The following CDKL5 variants were observed in gnomAD, a reference collection of about 807,000 sequenced individuals.
CDKL5 encodes the protein cyclin dependent kinase like 5, also known as cyclin-dependent kinase-like 5.
CDKL5 carries 8 observed loss-of-function variants against 61.7 expected under a neutral mutation model. That is an observed-to-expected ratio of 0.13 (90% CI 0.08 to 0.23). The LOEUF (loss-of-function observed/expected upper bound fraction) is 0.23. CDKL5 is among the 10% of genes least tolerant of loss of function. The pLI is 1.00. For missense variants in CDKL5, 440 were observed against 734.5 expected (o/e 0.60, Z 4.63); for synonymous variants, 275 against 272.3 (o/e 1.01, Z -0.10).
intron 11 of CDKL5, among the ~76,000 whole-genome samples, chrX:18,602,245 G>T (rs1012763650): frequency 8.9e-6 from 1 of 112,121 alleles, no homozygotes; most frequent in Non-Finnish European, 1.9e-5. Context: ...TGGGCAAATG[G>T]AGAATAACCA....
Position 18,603,971 on chromosome X carries a change from G to A in CDKL5, c.1047G>A (p.Leu349=). The A allele has an allele frequency of 1.7e-6, 2 of 1,210,974 alleles. No individual in the cohort carries two copies. The highest frequency in any genetic ancestry group is 2.2e-6 in the Non-Finnish European group (2 of 894,861). The part of the protein sequence containing the change: ...HRSNSKDIQN[L]SVGLPRADEG... ...CTAACAGCAAGGACATCCAGAACCT[G>A]AGTGTAGGCCTGCCCCGGGCTGACG... The change falls in exon 12 of 18, where the codon CTG becomes CTA. Residue 349 remains leucine (L), a synonymous_variant. Transcript: ENST00000623535.
Position 18,628,983 on chromosome X carries a change from C to A in CDKL5, c.*226C>A. On this transcript the variant is annotated 3_prime_UTR_variant, in exon 18 of 18. Coordinates refer to ENST00000623535, the MANE Select transcript of CDKL5 (RefSeq NM_001323289.2). Reference sequence around the variant, plus strand: ...GAGTTCCTTAGGGATCGCCACTCCCCACAGGTCTTGTGTGAGAATAGATAG... The same window carrying A: ...GAGTTCCTTAGGGATCGCCACTCCCAACAGGTCTTGTGTGAGAATAGATAG... 9.9e-7 allele frequency: 1 copy of A among 1,008,289 alleles called. No homozygotes were observed. The highest frequency in any genetic ancestry group is 1.3e-6 in the Non-Finnish European group (1 of 798,272). The allele number at this position is 1,008,289 out of a possible 1,213,427, so 83.1% of individuals were successfully genotyped here.
intron 3 of CDKL5, among the ~76,000 whole-genome samples, chrX:18,537,378 T>C (rs1474017932): frequency 8.9e-6 from 1 of 112,321 alleles, no homozygotes; most frequent in Non-Finnish European, 1.9e-5. Context: ...CACATGTAGG[T>C]ATAAGAAATA....
At chrX:18,488,767 T>A (rs1466200426) in intron 1 of CDKL5, among the ~76,000 whole-genome samples, 1 of 111,844 alleles carries the variant, frequency 8.9e-6, no homozygotes, top group African/African-American at 3.3e-5. Flanking sequence ...AAGGGCACTC[T>A]AACCTGAATG....
At chrX:18,649,580 T>G (rs1002844692) in intron 20 of CDKL5, among the ~76,000 whole-genome samples, 1 of 111,798 alleles carries the variant, frequency 8.9e-6, no homozygotes, top group Non-Finnish European at 1.9e-5. Context: ...CTCACTAGTA[T>G]CTGCAGCTCT....
chrX:18,488,296 A>T (rs1921863547), intron 1 of CDKL5, among the ~76,000 whole-genome samples: 1 of 111,539 alleles, frequency 9.0e-6, no homozygotes, highest in Non-Finnish European at 1.9e-5. Flanking sequence ...AGGATTTTCA[A>T]CTGAATTTAT....
At chrX:18,470,370 GAAGAA>G (rs1331846125) in intron 1 of CDKL5, among the ~76,000 whole-genome samples, 3 of 61,194 alleles carry the variant, frequency 4.9e-5, no homozygotes, top group East Asian at 1.1e-3. Context: ...AAAAAAAAAA[GAAGAA>G]AAGAAAAAAA....
chrX:18,483,722 A>G (rs1921678040), intron 1 of CDKL5, among the ~76,000 whole-genome samples: 1 of 111,116 alleles, frequency 9.0e-6, no homozygotes. Context: ...ACCTGGCCTC[A>G]TCATCTTAAT....
intron 11 of CDKL5, among the ~76,000 whole-genome samples, chrX:18,599,998 A>G (rs2147157278): frequency 9.0e-6 from 1 of 111,152 alleles, no homozygotes; most frequent in East Asian, 2.8e-4. Context: ...ATGGCTGGCT[A>G]ATTTTTTATC....
chrX:18,546,256 TTC>T (rs1491184946), intron 3 of CDKL5, among the ~76,000 whole-genome samples: 3 of 108,283 alleles, frequency 2.8e-5, no homozygotes, highest in African/African-American at 1.0e-4. Context: ...CTTCTACTTC[TTC>T]TTTTTTTTTT....
intron 20 of CDKL5, among the ~76,000 whole-genome samples, chrX:18,648,994 G>C (rs1927912836): frequency 9.7e-6 from 1 of 103,126 alleles, no homozygotes; most frequent in Non-Finnish European, 2.0e-5. Context: ...GCTGCAGTGA[G>C]CCATGATCAC....
chrX:18,477,133 C>T (rs892532437), intron 1 of CDKL5, among the ~76,000 whole-genome samples: 8 of 109,533 alleles, frequency 7.3e-5, no homozygotes, highest in Admixed American at 3.9e-4. Context: ...GCTCTGTCAC[C>T]GAGGCTGGAG....
chrX:18,543,091 T>C lies in CDKL5; in HGVS notation c.100-21386T>C, dbSNP rs545833126. Among the ~76,000 whole-genome samples the C allele has an allele frequency of 6.3e-5, 7 of 110,987 alleles. No homozygotes were observed. In the South Asian group the frequency reaches 2.8e-3, roughly 44 times the overall value. On this transcript the variant is annotated intron_variant, in intron 3 of 17. Coordinates refer to ENST00000623535, the MANE Select transcript of CDKL5 (RefSeq NM_001323289.2). Reference sequence around the variant, plus strand: ...GCCGCCTGCTTTCTCGGGATGTGTATGTGTAAAAGAGTGTTTTCCTACTTG... The same window carrying C: ...GCCGCCTGCTTTCTCGGGATGTGTACGTGTAAAAGAGTGTTTTCCTACTTG...
At chrX:18,587,732 A>C (rs1925686439) in intron 8 of CDKL5, 1 of 422,212 alleles carries the variant, frequency 2.4e-6, no homozygotes, top group African/African-American at 2.5e-5. Context: ...ATTTCAAATT[A>C]GTGTATACTA....
At chrX:18,595,316 A>G (rs1011133963) in intron 9 of CDKL5, 32 bp from the exon 10 acceptor site, 35 of 1,033,615 alleles carry the variant, frequency 3.4e-5, no homozygotes, top group Non-Finnish European at 4.8e-5. Context: ...CCTTCCCCAA[A>G]TGTTAACATT....
At chrX:18,449,797 C>CTT (rs752450258) in intron 1 of CDKL5, among the ~76,000 whole-genome samples, 4 of 100,297 alleles carry the variant, frequency 4.0e-5, no homozygotes, top group Non-Finnish European at 4.1e-5. Context: ...TCCCTTAATT[C>CTT]TTTTTTTTTT....
intron 10 of CDKL5, 61 bp downstream of exon 10, chrX:18,595,489 T>C: frequency 2.7e-6 from 2 of 747,296 alleles, no homozygotes; most frequent in South Asian, 2.1e-5. Context: ...CTTTTGTGTC[T>C]ACATGTGACC....
intron 16 of CDKL5, among the ~76,000 whole-genome samples, chrX:18,620,742 G>A (rs753779478): frequency 2.1e-4 from 23 of 111,023 alleles, no homozygotes; most frequent in Admixed American, 1.9e-4. Flanking sequence ...AGAGTTAGCC[G>A]TTTTTATTTA....
At position 18,637,584 on chromosome X, in the gene CDKL5, C is replaced by T. The variant is rs1257774027; in HGVS notation, c.*8827C>T. The T allele has an allele frequency of 1.8e-5, 2 of 109,883 alleles. No homozygotes were observed. Among genetic ancestry groups the T allele is most frequent in the East Asian group, 5.7e-4 (2 of 3,503 alleles). The allele number at this position is 109,883 out of a possible 1,213,427, so 9.1% of individuals were successfully genotyped here. A position where few individuals can be genotyped will look rare whatever the true frequency, so the allele number is the denominator to read the frequency against. On this transcript the variant is annotated 3_prime_UTR_variant, in exon 18 of 18. Transcript: ENST00000623535. ...CTCAAAAATAAATAAATAAATAAAT[C>T]CCTAGGATATAGAGTCCGCTTGCCT...
Sources: gnomAD v4.1 joint callset for allele counts (sites outside exome capture counted in the v4.1 genomes callset) on GRCh38, gnomAD v4.1.1 for gene constraint, MANE v1.5 for transcripts, NCBI Gene and HGNC (gene_info 2026-07-23, HGNC 2026-07-21) for gene names.